KHDRBS2: variants seen among roughly 807,000 people sequenced by gnomAD.
KHDRBS2 encodes the protein KH RNA binding domain containing, signal transduction associated 2.
A neutral mutation model predicts 44.3 loss-of-function variants in KHDRBS2; 26 were observed. The observed-to-expected ratio is 0.59, with a 90% CI of 0.43 to 0.81. The LOEUF (loss-of-function observed/expected upper bound fraction) is 0.81. KHDRBS2 is among the 40% of genes least tolerant of loss of function. KHDRBS2 has a pLI of 0.00. For missense variants in KHDRBS2, 476 were observed against 433.1 expected (o/e 1.10, Z -0.88); for synonymous variants, 194 against 151.1 (o/e 1.28, Z -2.08).
chr6:61,999,323 A>G (rs538485574), intron 3 of KHDRBS2, among the ~76,000 whole-genome samples: 2 of 152,228 alleles, frequency 1.3e-5, no homozygotes, highest in African/African-American at 4.8e-5. Flanking sequence ...AAAAATTCTA[A>G]TCAAGGTTTG....
chr6:61,846,506 C>T (rs1204465287), intron 6 of KHDRBS2, among the ~76,000 whole-genome samples: 2 of 152,034 alleles, frequency 1.3e-5, no homozygotes, highest in Non-Finnish European at 2.9e-5. Context: ...AAAAGTCTGC[C>T]CTGAGCTGTA....
intron 4 of KHDRBS2, among the ~76,000 whole-genome samples, chr6:61,950,485 C>T (rs1764522509): frequency 1.3e-5 from 2 of 151,852 alleles, no homozygotes; most frequent in South Asian, 4.2e-4. Context: ...TTATGTTTCC[C>T]TGATGAATCA....
intron 6 of KHDRBS2, among the ~76,000 whole-genome samples, chr6:61,836,340 A>T (rs982282074): frequency 1.3e-5 from 2 of 152,048 alleles, no homozygotes; most frequent in Non-Finnish European, 2.9e-5. Context: ...CCTTAAGCAC[A>T]GACTCCATGT....
intron 8 of KHDRBS2, among the ~76,000 whole-genome samples, chr6:61,685,731 C>A (rs1413715327): frequency 1.3e-5 from 2 of 151,724 alleles, no homozygotes; most frequent in Non-Finnish European, 2.9e-5. Context: ...GTTTCTGTAT[C>A]TCAAATACTG....
At chr6:62,211,977 T>C (rs934096506) in intron 1 of KHDRBS2, among the ~76,000 whole-genome samples, 1 of 152,030 alleles carries the variant, frequency 6.6e-6, no homozygotes, top group African/African-American at 2.4e-5. Context: ...TATGCAGCCA[T>C]AAAAAAGAAT....
intron 2 of KHDRBS2, among the ~76,000 whole-genome samples, chr6:62,060,658 C>A (rs1791599749): frequency 6.7e-6 from 1 of 150,060 alleles, no homozygotes. Context: ...TGAACTAAAA[C>A]AAATTTAAAA....
chr6:61,882,854 T>G (rs770390043), intron 6 of KHDRBS2, among the ~76,000 whole-genome samples: 3 of 152,046 alleles, frequency 2.0e-5, no homozygotes, highest in Non-Finnish European at 4.4e-5. Context: ...ACAATCTTAC[T>G]AAGCAGGCAA....
At chr6:62,254,582 A>C (rs1192628303) in intron 1 of KHDRBS2, among the ~76,000 whole-genome samples, 3 of 152,028 alleles carry the variant, frequency 2.0e-5, no homozygotes, top group Non-Finnish European at 2.9e-5. Flanking sequence ...TTATCAGAAA[A>C]GTAAGCAGCT....
intron 2 of KHDRBS2, among the ~76,000 whole-genome samples, chr6:62,152,831 C>A (rs373484765): frequency 3.0e-4 from 46 of 152,132 alleles, no homozygotes; most frequent in African/African-American, 1.1e-3. Context: ...GTAACTTGTG[C>A]ATGACAAGCA....
rs147495556 is a variant in KHDRBS2, at chr6:62,010,374, G to A, written c.337-32162C>T. Reference sequence around the variant, plus strand: ...GATTTTACAGGCTCATAGGTGGAAGGGACTTGCCTTGTCTTGGATGAGACT... The same window carrying A: ...GATTTTACAGGCTCATAGGTGGAAGAGACTTGCCTTGTCTTGGATGAGACT... On this transcript the variant is annotated intron_variant, in intron 3 of 8. Transcript: ENST00000281156. Among the ~76,000 whole-genome samples, 427 of 152,248 alleles carry A rather than the reference G, an allele frequency of 2.8e-3. 3 individuals are homozygous for A. Among genetic ancestry groups the A allele is most frequent in the African/African-American group, 9.3e-3 (385 of 41,542 alleles).
intron 3 of KHDRBS2, among the ~76,000 whole-genome samples, chr6:62,028,672 T>C (rs2127289437): frequency 6.6e-6 from 1 of 152,264 alleles, no homozygotes; most frequent in East Asian, 1.9e-4. Context: ...ATTTGGTTTT[T>C]ATACAAGAAC....
At chr6:62,102,495 C>T (rs1241112163) in intron 2 of KHDRBS2, among the ~76,000 whole-genome samples, 3 of 152,196 alleles carry the variant, frequency 2.0e-5, no homozygotes, top group South Asian at 2.1e-4. Flanking sequence ...CCCGAGGTCT[C>T]GGCCCCAGAG....
chr6:61,563,794 T>A, the KHDRBS2 span, among the ~76,000 whole-genome samples: 1 of 152,096 alleles, frequency 6.6e-6, no homozygotes, highest in Admixed American at 6.6e-5. Context: ...TACAGCGACG[T>A]TAGAGCCTGA....
chr6:62,193,430 TA>T lies in KHDRBS2; in HGVS notation c.92-16119del, dbSNP rs1825011230. ...CTCAGAAATGTAAATAGATCTCATA[TA>T]AAACGATGAAACCACTTCCTAACTT... On this transcript the variant is annotated intron_variant, in intron 1 of 8. Transcript: ENST00000281156. Among the ~76,000 whole-genome samples the T allele has an allele frequency of 1.3e-5, 2 of 152,228 alleles. 1 individual carries two copies. Among genetic ancestry groups the T allele is most frequent in the South Asian group, 4.1e-4 (2 of 4,830 alleles).
chr6:62,075,756 A>G (rs1225160527), intron 2 of KHDRBS2, among the ~76,000 whole-genome samples: 3 of 151,758 alleles, frequency 2.0e-5, no homozygotes, highest in Non-Finnish European at 4.4e-5. Flanking sequence ...TGGGCATATT[A>G]TGAAAATCTT....
the KHDRBS2 span, among the ~76,000 whole-genome samples, chr6:61,547,768 T>A: frequency 6.6e-6 from 1 of 152,170 alleles, no homozygotes; most frequent in Non-Finnish European, 1.5e-5. Flanking sequence ...CAGGGTGAGA[T>A]CGGCTGCCTT....
chr6:61,795,914 TA>T (rs1302793969), intron 6 of KHDRBS2, among the ~76,000 whole-genome samples: 1 of 151,700 alleles, frequency 6.6e-6, no homozygotes, highest in Non-Finnish European at 1.5e-5. Context: ...TAGGGTGTTT[TA>T]AAAAAAAGTG....
At chr6:62,077,017 C>A (rs1272795728) in intron 2 of KHDRBS2, among the ~76,000 whole-genome samples, 2 of 151,826 alleles carry the variant, frequency 1.3e-5, no homozygotes, top group South Asian at 2.1e-4. Flanking sequence ...CTCTGCTCCA[C>A]CCTGGGCAAC....
intron 3 of KHDRBS2, among the ~76,000 whole-genome samples, chr6:61,987,484 C>CT (rs1440747574): frequency 6.6e-6 from 1 of 152,102 alleles, no homozygotes; most frequent in Admixed American, 6.6e-5. Flanking sequence ...TACTAAAGTG[C>CT]TTTTTGCAGG....
Sources: gnomAD v4.1 joint callset for allele counts (sites outside exome capture counted in the v4.1 genomes callset) on GRCh38, gnomAD v4.1.1 for gene constraint, MANE v1.5 for transcripts, NCBI Gene and HGNC (gene_info 2026-07-23, HGNC 2026-07-21) for gene names.